Variants in PBX1 observed in about 807,000 individuals in gnomAD.
PBX1 encodes the protein PBX homeobox 1.
A neutral mutation model predicts 53.4 loss-of-function variants in PBX1; 6 were observed. That is an observed-to-expected ratio of 0.11 (90% CI 0.06 to 0.22). The LOEUF is 0.22. Among genes scored for constraint, PBX1 ranks in the 10% least tolerant of loss-of-function variants. PBX1 has a pLI of 1.00. For synonymous variants in PBX1, 204 were observed against 212.3 expected, an observed-to-expected ratio of 0.96 and a Z score of 0.34; for missense variants, 251 against 551.4, an observed-to-expected ratio of 0.46 and a Z score of 5.46.
At chr1:164,689,646 C>T (rs185297014) in intron 2 of PBX1, among the ~76,000 whole-genome samples, 12 of 152,278 alleles carry the variant, frequency 7.9e-5, no homozygotes, top group Non-Finnish European at 1.0e-4. Context: ...GCACATTTAA[C>T]GTTAAATCAT....
chr1:164,776,397 GA>G (rs779953266), intron 2 of PBX1, among the ~76,000 whole-genome samples: 1 of 152,152 alleles, frequency 6.6e-6, no homozygotes, highest in African/African-American at 2.4e-5. Context: ...GATTTAGAAG[GA>G]AGGGGTGCTG....
intron 2 of PBX1, among the ~76,000 whole-genome samples, chr1:164,625,627 A>G (rs1390422138): frequency 6.6e-6 from 1 of 152,170 alleles, no homozygotes; most frequent in Non-Finnish European, 1.5e-5. Flanking sequence ...ATTCATTATC[A>G]GTGTCTTTCT....
intron 4 of PBX1, among the ~76,000 whole-genome samples, chr1:164,803,271 C>T (rs1176072281): frequency 6.6e-6 from 1 of 152,186 alleles, no homozygotes; most frequent in Non-Finnish European, 1.5e-5. Context: ...CACAGAACAC[C>T]ACATGTTACA....
chr1:164,768,311 GTAT>G (rs1350836649), intron 2 of PBX1, among the ~76,000 whole-genome samples: 3 of 152,146 alleles, frequency 2.0e-5, no homozygotes, highest in African/African-American at 7.2e-5. Context: ...GTCCAAGCTT[GTAT>G]TCTTCCCACA....
chr1:164,810,290 A>T (rs1445513009), intron 5 of PBX1, among the ~76,000 whole-genome samples: 1 of 152,200 alleles, frequency 6.6e-6, no homozygotes, highest in Non-Finnish European at 1.5e-5. Flanking sequence ...TTAGGCCCTT[A>T]GTCCATGACT....
chr1:164,605,590 A>G (rs1348041295), intron 2 of PBX1, among the ~76,000 whole-genome samples: 3 of 152,182 alleles, frequency 2.0e-5, no homozygotes, highest in Admixed American at 1.3e-4. Flanking sequence ...CCGTTAATTG[A>G]AACTCCAGTG....
rs1358831238 is a variant in PBX1 at position 164,848,810 on chromosome 1, A to G, written c.*2134A>G. On this transcript the variant is annotated 3_prime_UTR_variant, in exon 9 of 9. Transcript: ENST00000420696. ...GAACATGGAAATTCTGCTTGGCACT[A>G]CAGTCATAAATAGAAAACACTGTGT... 18 of 1,062,772 alleles carry G rather than the reference A, an allele frequency of 1.7e-5. No individual in the cohort carries two copies. Among genetic ancestry groups the G allele is most frequent in the Non-Finnish European group, 1.8e-5 (16 of 877,888 alleles). 65.8% of individuals were successfully genotyped at this position (1,062,772 alleles called of 1,614,324 possible). A position where few individuals can be genotyped will look rare whatever the true frequency, so the allele number is the denominator to read the frequency against.
At chr1:164,808,357 T>C (rs188663006) in intron 5 of PBX1, among the ~76,000 whole-genome samples, 1 of 152,346 alleles carries the variant, frequency 6.6e-6, no homozygotes, top group East Asian at 1.9e-4. Flanking sequence ...AATAATTATG[T>C]GTACGTGTAT....
chr1:164,647,097 G>A (rs1411068318), intron 2 of PBX1, among the ~76,000 whole-genome samples: 1 of 152,226 alleles, frequency 6.6e-6, no homozygotes, highest in African/African-American at 2.4e-5. Context: ...GGGTTTGTGG[G>A]AAAGAGTCTG....
chr1:164,799,944 G>A, intron 4 of PBX1, 55 bp downstream of exon 4: 1 of 1,505,278 alleles, frequency 6.6e-7, no homozygotes, highest in Non-Finnish European at 9.1e-7. Context: ...ATCTGGGGCT[G>A]GAGTCCACAG....
intron 2 of PBX1, chr1:164,641,894 T>A (rs1259770125): frequency 6.6e-6 from 1 of 152,164 alleles, no homozygotes; most frequent in Non-Finnish European, 1.5e-5. Context: ...TTTAAGGAAG[T>A]TAGAACACTT....
intron 2 of PBX1, among the ~76,000 whole-genome samples, chr1:164,685,280 G>A (rs1364065087): frequency 6.6e-6 from 1 of 152,102 alleles, no homozygotes; most frequent in African/African-American, 2.4e-5. Context: ...CCTATGAGGT[G>A]GAAATGGCTT....
At chr1:164,612,845 C>G (rs1273986830) in intron 2 of PBX1, among the ~76,000 whole-genome samples, 1 of 152,066 alleles carries the variant, frequency 6.6e-6, no homozygotes, top group Non-Finnish European at 1.5e-5. Flanking sequence ...AGATAGTATC[C>G]AGCTTGGCTT....
At chr1:164,561,891 A>T (rs1439274772) in intron 1 of PBX1, among the ~76,000 whole-genome samples, 1 of 151,940 alleles carries the variant, frequency 6.6e-6, no homozygotes, top group Non-Finnish European at 1.5e-5. Flanking sequence ...TAATAGAATT[A>T]ATTAAAACTA....
chr1:164,698,905 G>A (rs1260123595), intron 2 of PBX1, among the ~76,000 whole-genome samples: 1 of 151,496 alleles, frequency 6.6e-6, no homozygotes, highest in South Asian at 2.1e-4. Flanking sequence ...CAGAGCACAG[G>A]GGGGTTTTGA....
At chr1:164,715,303 A>G (rs1419750186) in intron 2 of PBX1, among the ~76,000 whole-genome samples, 1 of 152,218 alleles carries the variant, frequency 6.6e-6, no homozygotes, top group African/African-American at 2.4e-5. Context: ...CTTTGGTAGT[A>G]TATGGAAGAC....
chr1:164,751,568 G>T (rs1379659645), intron 2 of PBX1, among the ~76,000 whole-genome samples: 1 of 146,308 alleles, frequency 6.8e-6, no homozygotes, highest in Non-Finnish European at 1.5e-5. Flanking sequence ...AATGTAATGG[G>T]TTTATTGCCC....
chr1:164,809,410 C>T (rs1234739102), intron 5 of PBX1, among the ~76,000 whole-genome samples: 1 of 152,148 alleles, frequency 6.6e-6, no homozygotes, highest in Non-Finnish European at 1.5e-5. Context: ...TCTTCCCCAT[C>T]ACATCTGTCT....
intron 2 of PBX1, among the ~76,000 whole-genome samples, chr1:164,739,113 A>G (rs1665454759): frequency 6.6e-6 from 1 of 152,208 alleles, no homozygotes. Flanking sequence ...AAGCGAACCT[A>G]GTTTCCAGAA....
Sources: gnomAD v4.1 joint callset for allele counts (sites outside exome capture counted in the v4.1 genomes callset) on GRCh38, gnomAD v4.1.1 for gene constraint, MANE v1.5 for transcripts, NCBI Gene and HGNC (gene_info 2026-07-23, HGNC 2026-07-21) for gene names.